Variants in INPP4A observed in about 807,000 individuals in gnomAD.
The protein encoded by INPP4A is inositol polyphosphate-4-phosphatase, type I, 107kD.
A neutral mutation model predicts 119.8 loss-of-function variants in INPP4A; 33 were observed. That is an observed-to-expected ratio of 0.28 (90% CI 0.21 to 0.37). The LOEUF (loss-of-function observed/expected upper bound fraction) is 0.37. Ranked by LOEUF, INPP4A falls within the 10% of genes least tolerant of loss-of-function variation. The probability of loss-of-function intolerance (pLI) is 1.00; values close to 1 mark genes in which losing one functional copy is unlikely to be tolerated. For missense variants in INPP4A, 956 were observed against 1,289.9 expected, an observed-to-expected ratio of 0.74 and a Z score of 3.97; for synonymous variants, 496 against 500.7, an observed-to-expected ratio of 0.99 and a Z score of 0.12.
chr2:98,566,261 G>C lies in INPP4A; in HGVS notation c.2420+92G>C, dbSNP rs1696423485. 14 of 1,320,560 alleles carry C rather than the reference G, an allele frequency of 1.1e-5. No individual in the cohort carries two copies. Among genetic ancestry groups the C allele is most frequent in the Non-Finnish European group, 1.4e-5 (14 of 991,292 alleles). 81.8% of individuals were successfully genotyped at this position (1,320,560 alleles called of 1,614,324 possible). On this transcript the variant is annotated intron_variant, in intron 21 of 24. Transcript: ENST00000409851. This position sits in a 1 kb window ranked among gnomAD's most constrained non-coding sequence, Gnocchi z 4.2. Reference sequence around the variant, plus strand: ...ACCCCTCTTCAGGCTCTAAGTGCTGGACAGACTTTGTCATCCTTCCTTCCT... The same window carrying C: ...ACCCCTCTTCAGGCTCTAAGTGCTGCACAGACTTTGTCATCCTTCCTTCCT...
chr2:98,487,746 A>G (rs1003523123), intron 1 of INPP4A, among the ~76,000 whole-genome samples: 1 of 152,262 alleles, frequency 6.6e-6, no homozygotes, highest in Non-Finnish European at 1.5e-5. Context: ...TATAAAAAGC[A>G]GAAATGTTAC....
intron 1 of INPP4A, among the ~76,000 whole-genome samples, chr2:98,486,058 G>A (rs1679472417): frequency 6.6e-6 from 1 of 152,194 alleles, no homozygotes; most frequent in Non-Finnish European, 1.5e-5. Flanking sequence ...GTCCCACACA[G>A]TAGGGCACAG....
chr2:98,514,483 C>T (rs1302077571), intron 1 of INPP4A, among the ~76,000 whole-genome samples: 2 of 152,138 alleles, frequency 1.3e-5, no homozygotes, highest in Admixed American at 1.3e-4. Flanking sequence ...CCAGGGTAAC[C>T]AATCCCATGA....
intron 24 of INPP4A, among the ~76,000 whole-genome samples, chr2:98,584,699 C>T (rs1190524202): frequency 6.6e-6 from 1 of 152,234 alleles, no homozygotes; most frequent in Admixed American, 6.5e-5. Context: ...ATCAGTATGC[C>T]GCCTGTGCAC....
rs1694136509 is a variant in INPP4A, at chr2:98,554,627, G to A, written c.1566+138G>A. ...AAGCTCCAGGTTTCCTTCCTGGATG[G>A]CTCCTTGGCTCCTGATGCAGGGAGG... On this transcript the variant is annotated intron_variant, in intron 15 of 24. Coordinates refer to ENST00000409851, the MANE Select transcript of INPP4A (RefSeq NM_001134225.2). The surrounding 1 kb of genome is among the most constrained non-coding windows in gnomAD (Gnocchi z 4.7). The A allele has an allele frequency of 2.8e-6, 2 of 708,410 alleles. No homozygotes were observed. The highest frequency in any genetic ancestry group is 4.8e-6 in the Non-Finnish European group (2 of 415,074). The allele number at this position is 708,410 out of a possible 1,614,324, so 43.9% of individuals were successfully genotyped here.
In INPP4A at chr2:98,510,411, T is replaced by C. The variant is rs17032848; in HGVS notation, c.-165-8553T>C. Among the ~76,000 whole-genome samples, 414 of 152,364 alleles carry C rather than the reference T, an allele frequency of 2.7e-3. 4 individuals are homozygous for C. The highest frequency in any genetic ancestry group is 9.5e-3 in the African/African-American group (395 of 41,582). On this transcript the variant is annotated intron_variant, in intron 1 of 24. Transcript: ENST00000409851. ...GCCCTCTTGTTTACAGGGATATCCA[T>C]GTCCCTATCCAAGGTATCTCAGTCA...
intron 19 of INPP4A, 77 bp downstream of exon 19, chr2:98,564,840 A>C: frequency 2.8e-6 from 4 of 1,453,412 alleles, no homozygotes; most frequent in Non-Finnish European, 3.7e-6. Context: ...CACTTTTCTC[A>C]CTATACCAGT....
intron 4 of INPP4A, among the ~76,000 whole-genome samples, chr2:98,532,857 GAAAA>G (rs1000960825): frequency 6.8e-6 from 1 of 147,864 alleles, no homozygotes; most frequent in South Asian, 2.1e-4. Flanking sequence ...GCTCACTTAA[GAAAA>G]AAAAAAGAGC....
At chr2:98,506,312 G>T (rs891811764) in intron 1 of INPP4A, among the ~76,000 whole-genome samples, 5 of 152,230 alleles carry the variant, frequency 3.3e-5, no homozygotes, top group African/African-American at 9.7e-5. Flanking sequence ...GACTAGTAAG[G>T]CCTGCCTTTA....
intron 16 of INPP4A, among the ~76,000 whole-genome samples, chr2:98,556,863 C>T (rs1694584149): frequency 6.6e-6 from 1 of 152,228 alleles, no homozygotes; most frequent in Non-Finnish European, 1.5e-5. Flanking sequence ...CGTCACCCAT[C>T]TCTCCATCTA....
chr2:98,451,051 A>G (rs1228967389), intron 1 of INPP4A, among the ~76,000 whole-genome samples: 1 of 152,206 alleles, frequency 6.6e-6, no homozygotes, highest in Non-Finnish European at 1.5e-5. Flanking sequence ...GATTACAGGC[A>G]TGAGCCACTG....
intron 1 of INPP4A, among the ~76,000 whole-genome samples, chr2:98,452,166 T>C (rs1695347151): frequency 6.6e-6 from 1 of 152,212 alleles, no homozygotes; most frequent in Admixed American, 6.5e-5. Context: ...CCAGCCACAG[T>C]GTCTACCAGT....
chr2:98,519,990 C>T lies in INPP4A; in HGVS notation c.-59C>T. 2.1e-6 allele frequency: 3 copies of T among 1,412,494 alleles called. No homozygotes were observed. Among genetic ancestry groups the T allele is most frequent in the Non-Finnish European group, 2.9e-6 (3 of 1,019,712 alleles). 87.5% of individuals were successfully genotyped at this position (1,412,494 alleles called of 1,614,324 possible). ...GACTAGGGCTCGGTGCCAGCACTTC[C>T]CGGGTAATCAGGCGTGGTCTGACCG... On this transcript the variant is annotated 5_prime_UTR_variant, in exon 3 of 25. Coordinates refer to ENST00000409851, the MANE Select transcript of INPP4A (RefSeq NM_001134225.2).
intron 23 of INPP4A, among the ~76,000 whole-genome samples, chr2:98,573,881 A>C (rs1359074260): frequency 1.3e-5 from 2 of 152,142 alleles, no homozygotes. Context: ...GGCTGCTGAT[A>C]CCATTTTGTT....
Position 98,546,502 on chromosome 2 carries a change from C to A in INPP4A, c.1055-84C>A, listed in dbSNP as rs1692512242. ...CAGCAGTGGGCTGGAGGGTCAGGAC[C>A]CCAGACTTGTGTGCATATCCCTATA... On this transcript the variant is annotated intron_variant, in intron 12 of 24. Coordinates refer to ENST00000409851, the MANE Select transcript of INPP4A (RefSeq NM_001134225.2). The surrounding 1 kb of genome is among the most constrained non-coding windows in gnomAD (Gnocchi z 4.2). 1 of 924,208 alleles carries A rather than the reference C, an allele frequency of 1.1e-6. No homozygotes were observed. Among genetic ancestry groups the A allele is most frequent in the Non-Finnish European group, 1.7e-6 (1 of 585,116 alleles). 57.3% of individuals were successfully genotyped at this position (924,208 alleles called of 1,614,324 possible). A position where few individuals can be genotyped will look rare whatever the true frequency, so the allele number is the denominator to read the frequency against.
Position 98,566,678 on chromosome 2 carries a change from C to T in INPP4A, c.2420+509C>T, listed in dbSNP as rs879587187. ...ACAGGCTCTGTGTGCCAGGCTGAGA[C>T]TCATGCCTGAACCTAAAGGCAACTG... On this transcript the variant is annotated intron_variant, in intron 21 of 24. Transcript: ENST00000409851. This position sits in a 1 kb window ranked among gnomAD's most constrained non-coding sequence, Gnocchi z 4.2. 2.8e-4 allele frequency among the ~76,000 whole-genome samples: 42 copies of T among 152,140 alleles called. No individual in the cohort carries two copies. Among genetic ancestry groups the T allele is most frequent in the Non-Finnish European group, 5.3e-4 (36 of 68,024 alleles).
At chr2:98,494,388 A>G (rs1681484184) in intron 1 of INPP4A, among the ~76,000 whole-genome samples, 1 of 152,206 alleles carries the variant, frequency 6.6e-6, no homozygotes, top group Admixed American at 6.5e-5. Flanking sequence ...CCATCCTTGG[A>G]GAATCAAGCC....
intron 1 of INPP4A, among the ~76,000 whole-genome samples, chr2:98,484,421 T>C (rs1183383811): frequency 1.3e-5 from 2 of 152,096 alleles, no homozygotes; most frequent in African/African-American, 2.4e-5. Flanking sequence ...CCCCAGTTAC[T>C]TTCCTGATGA....
chr2:98,589,039 T>C lies in INPP4A; in HGVS notation c.*1431T>C, dbSNP rs1575211774. ...GAACACAGAGGGGGTGGGCATCAGG[T>C]AGGGTGGAACTGGATGACCTTCCAG... On this transcript the variant is annotated 3_prime_UTR_variant, in exon 25 of 25. Coordinates refer to ENST00000409851, the MANE Select transcript of INPP4A (RefSeq NM_001134225.2). The C allele has an allele frequency of 5.5e-6, 1 of 182,496 alleles. No homozygotes were observed. The highest frequency in any genetic ancestry group is 1.2e-5 in the Non-Finnish European group (1 of 85,804). The allele number at this position is 182,496 out of a possible 1,614,324, so 11.3% of individuals were successfully genotyped here.
Sources: allele counts gnomAD v4.1 joint callset (sites outside exome capture counted in the v4.1 genomes callset), GRCh38; gene constraint gnomAD v4.1.1; non-coding constraint Gnocchi (gnomAD v3.1); transcripts MANE v1.5; gene names NCBI Gene and HGNC (gene_info 2026-07-23, HGNC 2026-07-21).